Variants in LIN28B observed in about 807,000 individuals in gnomAD.
LIN28B encodes the protein lin-28 RNA binding posttranscriptional regulator B, also known as protein lin-28 homolog B.
LIN28B carries 5 observed loss-of-function variants against 21.9 expected under a neutral mutation model. That is an observed-to-expected ratio of 0.23 (90% CI 0.12 to 0.48). The LOEUF is 0.48. LIN28B is among the 20% of genes least tolerant of loss of function. LIN28B has a pLI of 0.98. For synonymous variants in LIN28B, 109 were observed against 111.3 expected, an observed-to-expected ratio of 0.98 and a Z score of 0.13; for missense variants, 245 against 310.5, an observed-to-expected ratio of 0.79 and a Z score of 1.58.
intron 3 of LIN28B, among the ~76,000 whole-genome samples, chr6:105,070,578 C>T (rs1772311205): frequency 1.1e-5 from 1 of 93,848 alleles, no homozygotes; most frequent in South Asian, 4.0e-4. Flanking sequence ...AAAACTCTAT[C>T]TCTATCAATA....
At chr6:105,061,292 A>G (rs1014163862) in intron 3 of LIN28B, among the ~76,000 whole-genome samples, 21 of 152,196 alleles carry the variant, frequency 1.4e-4, no homozygotes, top group African/African-American at 4.8e-4. Context: ...CATCTGCAAC[A>G]AAGCAAATTA....
chr6:104,967,349 G>C (rs190337160), intron 2 of LIN28B, among the ~76,000 whole-genome samples: 6 of 151,820 alleles, frequency 4.0e-5, no homozygotes, highest in East Asian at 3.9e-4. Flanking sequence ...GGAGGCTGAG[G>C]GGGGTGGATC....
Position 105,013,331 on chromosome 6 carries a change from A to T in LIN28B, c.199-12967A>T, listed in dbSNP as rs749594369. On this transcript the variant is annotated intron_variant, in intron 2 of 3. Coordinates refer to ENST00000345080, the MANE Select transcript of LIN28B (RefSeq NM_001004317.4). ...CGGCTGCATTGTGGTTTTAATTCCC[A>T]TTTTTTTTTGAAGCCTAATGATGTT... Among the ~76,000 whole-genome samples, 5 of 148,706 alleles carry T rather than the reference A, an allele frequency of 3.4e-5. 1 individual carries two copies. The highest frequency in any genetic ancestry group is 4.3e-4 in the South Asian group (2 of 4,664).
chr6:104,965,328 C>A (rs934323325), intron 2 of LIN28B, among the ~76,000 whole-genome samples: 1 of 152,088 alleles, frequency 6.6e-6, no homozygotes, highest in Non-Finnish European at 1.5e-5. Context: ...GAGTTTTAGA[C>A]CAGCCTGGGT....
intron 2 of LIN28B, among the ~76,000 whole-genome samples, chr6:104,964,360 A>T (rs1357210352): frequency 1.3e-5 from 2 of 152,218 alleles, no homozygotes; most frequent in Admixed American, 1.3e-4. Context: ...TAAACTGAGA[A>T]TAACCTAAAC....
At chr6:105,025,945 T>G (rs1771280114) in intron 2 of LIN28B, among the ~76,000 whole-genome samples, 1 of 152,146 alleles carries the variant, frequency 6.6e-6, no homozygotes, top group Non-Finnish European at 1.5e-5. Flanking sequence ...AGTTTCCCAT[T>G]GATAGATGTT....
Position 105,026,459 on chromosome 6 carries a change from G to T in LIN28B, c.360G>T (p.Gln120His), listed in dbSNP as rs772495463. The T allele has an allele frequency of 5.4e-5, 86 of 1,583,506 alleles. No individual in the cohort carries two copies. The highest frequency in any genetic ancestry group is 7.0e-5 in the Non-Finnish European group (82 of 1,169,980). Residue 120 changes from glutamine to histidine, a missense_variant, in exon 3 of 4, where the codon CAG (glutamine) becomes CAT (histidine). Coordinates refer to ENST00000345080, the MANE Select transcript of LIN28B (RefSeq NM_001004317.4). ...GAAGACCCAAAGGGAAGACACTACA[G>T]AAAAGAAAACCAAAGGGAGATAGGT... ...SERRPKGKTL[Q>H]KRKPKGDRCY...
chr6:104,968,646 A>C (rs1203603953), intron 2 of LIN28B, among the ~76,000 whole-genome samples: 3 of 152,156 alleles, frequency 2.0e-5, no homozygotes, highest in African/African-American at 4.8e-5. Flanking sequence ...ACTCCATATA[A>C]ATTTCAAATT....
chr6:104,958,671 G>A (rs932987708), intron 2 of LIN28B, among the ~76,000 whole-genome samples: 11 of 152,066 alleles, frequency 7.2e-5, no homozygotes, highest in African/African-American at 1.9e-4. Context: ...AAAACAAAGC[G>A]AAACAGTTTG....
intron 2 of LIN28B, among the ~76,000 whole-genome samples, chr6:104,964,997 T>A (rs1769826885): frequency 6.6e-6 from 1 of 152,238 alleles, no homozygotes; most frequent in South Asian, 2.1e-4. Flanking sequence ...GTTATATAAC[T>A]GCCTAGTAAG....
At chr6:104,988,569 A>ATTTTTTT (rs369912825) in intron 2 of LIN28B, among the ~76,000 whole-genome samples, 1 of 127,132 alleles carries the variant, frequency 7.9e-6, no homozygotes. Context: ...GACTACCTAG[A>ATTTTTTT]TTTTTTTTTT....
intron 2 of LIN28B, among the ~76,000 whole-genome samples, chr6:104,938,677 C>G (rs1778043351): frequency 6.6e-6 from 1 of 151,580 alleles, no homozygotes; most frequent in Admixed American, 6.6e-5. Flanking sequence ...AAGAAATTGC[C>G]AAGAGCCATA....
chr6:105,019,924 T>A (rs1195733858), intron 2 of LIN28B, among the ~76,000 whole-genome samples: 1 of 152,002 alleles, frequency 6.6e-6, no homozygotes, highest in Non-Finnish European at 1.5e-5. Flanking sequence ...GAGAAAAAAA[T>A]ACTCTGATTT....
chr6:105,053,071 A>G (rs1209041961), intron 3 of LIN28B, among the ~76,000 whole-genome samples: 3 of 151,804 alleles, frequency 2.0e-5, no homozygotes, highest in Non-Finnish European at 4.4e-5. Context: ...TTATTTTTTC[A>G]TTTTTATTTT....
intron 3 of LIN28B, among the ~76,000 whole-genome samples, chr6:105,068,785 G>C (rs1353002584): frequency 6.6e-6 from 1 of 152,176 alleles, no homozygotes; most frequent in Non-Finnish European, 1.5e-5. Context: ...GTGAGCAGTA[G>C]TTATCTTATT....
chr6:104,946,365 T>G (rs1260456078), intron 2 of LIN28B, among the ~76,000 whole-genome samples: 5 of 152,162 alleles, frequency 3.3e-5, no homozygotes, highest in African/African-American at 1.2e-4. Context: ...GGATGTTCAG[T>G]TAAATTGCAA....
upstream of LIN28B, among the ~76,000 whole-genome samples, chr6:104,952,214 C>A (rs1303295779): frequency 2.0e-5 from 3 of 152,110 alleles, no homozygotes; most frequent in African/African-American, 7.2e-5. Context: ...AGTGTTTGCT[C>A]CACAGACTCA....
intron 2 of LIN28B, among the ~76,000 whole-genome samples, chr6:104,989,576 G>GTTTTTT (rs34394074): frequency 1.7e-5 from 1 of 60,596 alleles, no homozygotes; most frequent in Non-Finnish European, 3.0e-5. Context: ...TTTTACTTGG[G>GTTTTTT]TTTTTTTTTT....
intron 2 of LIN28B, among the ~76,000 whole-genome samples, chr6:104,948,239 C>T (rs1013377609): frequency 1.3e-5 from 2 of 152,076 alleles, no homozygotes; most frequent in Admixed American, 6.6e-5. Flanking sequence ...GAGGCCGAGG[C>T]GGGTGGATCA....
Sources: allele counts gnomAD v4.1 joint callset (sites outside exome capture counted in the v4.1 genomes callset), GRCh38; gene constraint gnomAD v4.1.1; transcripts MANE v1.5; gene names NCBI Gene and HGNC (gene_info 2026-07-23, HGNC 2026-07-21).